Variants in PTCH1 observed in about 807,000 individuals in gnomAD.
PTCH1 encodes protein patched homolog 1.
PTCH1 carries 14 observed loss-of-function variants against 144.6 expected under a neutral mutation model. The ratio of observed to expected loss-of-function variants is 0.10; its 90% CI spans 0.06 to 0.15. PTCH1 has a LOEUF of 0.15. Ranked by LOEUF, PTCH1 falls within the 10% of genes least tolerant of loss-of-function variation. The probability of loss-of-function intolerance (pLI) is 1.00; values close to 1 mark genes in which losing one functional copy is unlikely to be tolerated. For synonymous variants in PTCH1, 833 were observed against 793.6 expected (o/e 1.05, Z -0.83); for missense variants, 1,623 against 1,948.3 (o/e 0.83, Z 3.14).
intron 2 of PTCH1, among the ~76,000 whole-genome samples, chr9:95,491,390 G>A (rs1842398514): frequency 2.0e-5 from 3 of 152,186 alleles, no homozygotes; most frequent in Non-Finnish European, 2.9e-5. Flanking sequence ...GGATAACAGG[G>A]ATAACAAATG....
rs61184807 is a variant in PTCH1, at chr9:95,500,747, C to A, written c.394+5660G>T. ...ACCACCAAGGAGTTCACACACTAGCCGGGCTTCTGAAGGAGCTGTTATTTC... is the reference window on the plus strand; with the variant it reads ...ACCACCAAGGAGTTCACACACTAGCAGGGCTTCTGAAGGAGCTGTTATTTC... On this transcript the variant is annotated intron_variant, in intron 2 of 23. Coordinates refer to ENST00000331920, the MANE Select transcript of PTCH1 (RefSeq NM_000264.5). Among the ~76,000 whole-genome samples the A allele has an allele frequency of 2.6e-5, 4 of 152,132 alleles. No individual in the cohort carries two copies. In the East Asian group the frequency reaches 7.7e-4, roughly 29 times the overall value.
intron 22 of PTCH1, among the ~76,000 whole-genome samples, chr9:95,448,377 C>T (rs1261327728): frequency 1.3e-5 from 2 of 152,178 alleles, no homozygotes; most frequent in Admixed American, 6.5e-5. Context: ...AGCCCAGAAC[C>T]TTCCTTGAGT....
At chr9:95,505,846 C>CCA (rs1843541480) in intron 2 of PTCH1, among the ~76,000 whole-genome samples, 1 of 150,130 alleles carries the variant, frequency 6.7e-6, no homozygotes, top group South Asian at 2.1e-4. Context: ...AAAAACAGGA[C>CCA]CACACACGCC....
chr9:95,472,525 T>C (rs1840671573), intron 12 of PTCH1, among the ~76,000 whole-genome samples: 1 of 152,106 alleles, frequency 6.6e-6, no homozygotes, highest in Non-Finnish European at 1.5e-5. Flanking sequence ...GCTTTTAAAA[T>C]CAGTCATGTT....
intron 18 of PTCH1, among the ~76,000 whole-genome samples, chr9:95,456,690 T>C (rs1034436873): frequency 1.3e-5 from 2 of 152,052 alleles, no homozygotes; most frequent in Admixed American, 1.3e-4. Context: ...GCAAAAAACA[T>C]ACAGAACAAC....
intron 15 of PTCH1, among the ~76,000 whole-genome samples, chr9:95,465,173 C>A (rs996542545): frequency 6.6e-6 from 1 of 152,116 alleles, no homozygotes; most frequent in Non-Finnish European, 1.5e-5. Flanking sequence ...AAAGGTTAAC[C>A]CTTTGCACTG....
Position 95,508,603 on chromosome 9 carries a change from T to G in PTCH1, c.-242A>C. On this transcript the variant is annotated 5_prime_UTR_variant, in exon 1 of 24. An upstream start codon of the reference 5' UTR is lost. Transcript: ENST00000331920. ...GGGGAGTCAGACCCTGCGCCTTCCA[T>G]TGCCACATTGCGCGGGGGTCCCGAG... 1 of 993,004 alleles carries G rather than the reference T, an allele frequency of 1.0e-6. No individual in the cohort carries two copies. Among genetic ancestry groups the G allele is most frequent in the Non-Finnish European group, 1.2e-6 (1 of 835,752 alleles). The allele number at this position is 993,004 out of a possible 1,614,324, so 61.5% of individuals were successfully genotyped here.
rs1408427240 is a variant in PTCH1 at position 95,508,286 on chromosome 9, G to A, written c.76C>T (p.Arg26Trp). The change falls in exon 1 of 24, where the codon CGG (arginine) becomes TGG (tryptophan). Residue 26 changes from arginine to tryptophan, a missense_variant. Physicochemically the swap from Arg to Trp is moderately radical, Grantham distance 101. This residue lies in a region of PTCH1 where 245 missense variants were observed against 240.6 expected (regional missense o/e 1.02). Transcript: ENST00000331920. ...GGSGCIGAPG[R>W]PAGGGRRRRT... ...CTGCGCCTCCCGCCTCCAGCCGGCCGTCCCGGGGCACCGATACAGCCGCTG... is the reference window on the plus strand; with the variant it reads ...CTGCGCCTCCCGCCTCCAGCCGGCCATCCCGGGGCACCGATACAGCCGCTG... 44 of 1,541,548 alleles carry A rather than the reference G, an allele frequency of 2.9e-5. No individual in the cohort carries two copies. Among genetic ancestry groups the A allele is most frequent in the African/African-American group, 4.2e-5 (3 of 71,768 alleles).
At chr9:95,485,619 A>G (rs1841897606) in intron 3 of PTCH1, 66 bp downstream of exon 3, 2 of 1,594,710 alleles carry the variant, frequency 1.3e-6, no homozygotes, top group Admixed American at 3.4e-5. Context: ...AACGGGGCCT[A>G]AACCAGCAGC....
At chr9:95,493,029 C>T (rs1174659970) in intron 2 of PTCH1, among the ~76,000 whole-genome samples, 1 of 152,206 alleles carries the variant, frequency 6.6e-6, no homozygotes, top group Non-Finnish European at 1.5e-5. Flanking sequence ...ATCACTTCTG[C>T]AAATAAGTTT....
chr9:95,485,597 AT>A, intron 3 of PTCH1, 87 bp downstream of exon 3: 1 of 1,518,942 alleles, frequency 6.6e-7, no homozygotes, highest in African/African-American at 1.4e-5. Flanking sequence ...GGGCAACTTC[AT>A]TTACTAAAAT....
intron 2 of PTCH1, among the ~76,000 whole-genome samples, chr9:95,496,115 C>T (rs533961011): frequency 6.6e-6 from 1 of 152,326 alleles, no homozygotes; most frequent in South Asian, 2.1e-4. Flanking sequence ...TACTTTCGCA[C>T]AGCCCTGCCG....
intron 10 of PTCH1, 134 bp downstream of exon 10, chr9:95,477,413 T>C: frequency 1.6e-6 from 2 of 1,234,018 alleles, no homozygotes; most frequent in Admixed American, 1.8e-5. Context: ...CTGAAACCAG[T>C]AGCATCCTAG....
At position 95,496,744 on chromosome 9, in the gene PTCH1, C is replaced by CA. The variant is rs563812057; in HGVS notation, c.394+9662dup. ...CATATTTATCATTTTTTACTTATTA[C>CA]AACAATGTGTAAATCTCATGAGGAA... On this transcript the variant is annotated intron_variant, in intron 2 of 23. Transcript: ENST00000331920. Among the ~76,000 whole-genome samples the CA allele has an allele frequency of 3.2e-4, 49 of 152,062 alleles. No homozygotes were observed. The East Asian group carries it at 8.5e-3, about 26-fold the overall frequency.
At chr9:95,505,806 GT>G (rs1209591564) in intron 2 of PTCH1, among the ~76,000 whole-genome samples, 3 of 151,172 alleles carry the variant, frequency 2.0e-5, no homozygotes. Context: ...TGAGACAAAT[GT>G]TTTTTTCCCT....
Position 95,508,025 on chromosome 9 carries a change from CTGGAGAGG to C in PTCH1, c.201+128_201+135del. The C allele has an allele frequency of 2.0e-6, 3 of 1,526,760 alleles. No homozygotes were observed. In the South Asian group the frequency reaches 3.6e-5, roughly 18 times the overall value. The allele number at this position is 1,526,760 out of a possible 1,614,324, so 94.6% of individuals were successfully genotyped here. On this transcript the variant is annotated intron_variant, in intron 1 of 23. Coordinates refer to ENST00000331920, the MANE Select transcript of PTCH1 (RefSeq NM_000264.5). ...AATCCCCATTTGTCTGCTGCTTTTC[CTGGAGAGG>C]TGTGAGTGAGTGTGTGTGTGTGTGT...
At chr9:95,456,481 C>A (rs904074788) in intron 18 of PTCH1, 68 bp from the exon 19 acceptor site, 35 of 1,581,758 alleles carry the variant, frequency 2.2e-5, no homozygotes, top group Non-Finnish European at 2.7e-5. Context: ...CAAGGGAGGT[C>A]GCCAGAGGGC....
chr9:95,493,217 C>T (rs1842553442), intron 2 of PTCH1, among the ~76,000 whole-genome samples: 1 of 152,234 alleles, frequency 6.6e-6, no homozygotes, highest in South Asian at 2.1e-4. Flanking sequence ...CGCTTCCCTG[C>T]TGTGCCCCTC....
At chr9:95,454,560 A>G (rs1838753792) in intron 19 of PTCH1, among the ~76,000 whole-genome samples, 1 of 152,262 alleles carries the variant, frequency 6.6e-6, no homozygotes, top group Non-Finnish European at 1.5e-5. Flanking sequence ...TAGGGTCAAT[A>G]TAGCTGCCTT....
Sources: gnomAD v4.1 joint callset for allele counts (sites outside exome capture counted in the v4.1 genomes callset) on GRCh38, gnomAD v4.1.1 for gene constraint, gnomAD v4.1.1 regional missense constraint, MANE v1.5 for transcripts, NCBI Gene and HGNC (gene_info 2026-07-23, HGNC 2026-07-21) for gene names.